The following NIPBL variants were observed in gnomAD, a reference collection of about 807,000 sequenced individuals.
NIPBL encodes the protein nipped-B-like protein.
A neutral mutation model predicts 321.8 loss-of-function variants in NIPBL; 19 were observed. The observed-to-expected ratio is 0.06, with a 90% CI of 0.04 to 0.09. The LOEUF (loss-of-function observed/expected upper bound fraction) is 0.09. Among genes scored for constraint, NIPBL ranks in the 10% least tolerant of loss-of-function variants. The pLI is 1.00. For missense variants in NIPBL, 2,210 were observed against 3,327.0 expected (o/e 0.66, Z 8.26); for synonymous variants, 1,106 against 1,114.1 (o/e 0.99, Z 0.14).
At chr5:36,886,408 A>T in intron 1 of NIPBL, 1 of 736,170 alleles carries the variant, frequency 1.4e-6, no homozygotes, top group South Asian at 1.4e-5. Flanking sequence ...CAGCAACTCC[A>T]TGCAAACTAT....
At chr5:36,900,412 C>T (rs1747110440) in intron 1 of NIPBL, among the ~76,000 whole-genome samples, 2 of 152,114 alleles carry the variant, frequency 1.3e-5, no homozygotes, top group South Asian at 2.1e-4. Flanking sequence ...CCAGTCCCCT[C>T]AGGGCCAAAG....
intron 1 of NIPBL, among the ~76,000 whole-genome samples, chr5:36,929,047 A>T (rs763845444): frequency 0.052 from 7,854 of 152,260 alleles, 280 homozygotes; most frequent in Middle Eastern, 0.082. Flanking sequence ...GCTGGGTCAT[A>T]TGATAATTAA....
rs1197575009 is a variant in NIPBL, at chr5:36,985,173, G to A, written c.1993G>A (p.Glu665Lys). ...ESRTTECKQN[E>K]STIVEPKQNE... ...CAGAACAACTGAATGCAAACAAAACGAGAGCACCATAGTTGAGCCTAAACA... is the reference window on the plus strand; with the variant it reads ...CAGAACAACTGAATGCAAACAAAACAAGAGCACCATAGTTGAGCCTAAACA... Residue 665 changes from glutamate (E) to lysine (K), a missense_variant, in exon 10 of 47, where the codon GAG (glutamate) becomes AAG (lysine). Coordinates refer to ENST00000282516, the MANE Select transcript of NIPBL (RefSeq NM_133433.4). The A allele has an allele frequency of 2.5e-6, 4 of 1,613,846 alleles. No individual in the cohort carries two copies. Among genetic ancestry groups the A allele is most frequent in the Admixed American group, 1.7e-5 (1 of 59,886 alleles).
At chr5:36,949,403 A>AG (rs1740028735) in intron 1 of NIPBL, among the ~76,000 whole-genome samples, 1 of 151,828 alleles carries the variant, frequency 6.6e-6, no homozygotes, top group Admixed American at 6.6e-5. Context: ...TCTTGACTCC[A>AG]GCTGTATGGC....
chr5:37,009,990 T>C (rs991684470), intron 20 of NIPBL, 97 bp from the exon 21 acceptor site: 6 of 945,202 alleles, frequency 6.3e-6, no homozygotes, highest in Non-Finnish European at 1.0e-5. Flanking sequence ...TGCCTAGAAA[T>C]ATTGGCAAAC....
intron 32 of NIPBL, among the ~76,000 whole-genome samples, chr5:37,034,083 T>A (rs1751429245): frequency 6.6e-6 from 1 of 151,558 alleles, no homozygotes; most frequent in Non-Finnish European, 1.5e-5. Flanking sequence ...GAAAAATAGG[T>A]AAAGTTAATT....
rs751532481 is a variant in NIPBL, at chr5:37,058,911, G to A, written c.7431G>A (p.Arg2477=). The A allele has an allele frequency of 4.3e-6, 7 of 1,613,968 alleles. No individual in the cohort carries two copies. In the South Asian group the frequency reaches 4.4e-5, roughly 10 times the overall value. The part of the protein sequence containing the change: ...SFKESMVKDK[R]KERKSSPSKE... The stretch of plus-strand genomic sequence containing the variant: ...TTCAGTCTATGGTAAAGGACAAAAG[G>A]AAAGAGAGAAAATCATCACCTAGTA... The change falls in exon 44 of 47, where the codon AGG becomes AGA. Residue 2477 remains arginine (R), a synonymous_variant. Coordinates refer to ENST00000282516, the MANE Select transcript of NIPBL (RefSeq NM_133433.4).
Position 36,876,961 on chromosome 5 carries a change from G to T in NIPBL, c.-297G>T. The T allele has an allele frequency of 2.5e-6, 1 of 395,386 alleles. No homozygotes were observed. Among genetic ancestry groups the T allele is most frequent in the East Asian group, 3.6e-5 (1 of 27,776 alleles). 24.5% of individuals were successfully genotyped at this position (395,386 alleles called of 1,614,324 possible). A position where few individuals can be genotyped will look rare whatever the true frequency, so the allele number is the denominator to read the frequency against. On this transcript the variant is annotated 5_prime_UTR_variant, in exon 1 of 47. Coordinates refer to ENST00000282516, the MANE Select transcript of NIPBL (RefSeq NM_133433.4). ...GCCCCCCCGGTAGCTCGGGCCCGTG[G>T]TCGGGTGTTTGTGAGTGTTTCTATG...
chr5:36,917,809 G>C (rs1748591212), intron 1 of NIPBL, among the ~76,000 whole-genome samples: 1 of 152,066 alleles, frequency 6.6e-6, no homozygotes, highest in African/African-American at 2.4e-5. Context: ...GTTTTTGTCA[G>C]GTTTGTCAAA....
intron 9 of NIPBL, among the ~76,000 whole-genome samples, chr5:36,979,773 G>T (rs1166038097): frequency 6.6e-6 from 1 of 151,514 alleles, no homozygotes; most frequent in Non-Finnish European, 1.5e-5. Flanking sequence ...CATATCAAAT[G>T]AAAAAAGTAA....
chr5:36,995,504 A>T, intron 10 of NIPBL, 118 bp from the exon 11 acceptor site: 1 of 694,608 alleles, frequency 1.4e-6, no homozygotes, highest in Non-Finnish European at 2.4e-6. Context: ...GTGTTTTATT[A>T]AAATAAACAG....
At chr5:37,036,252 G>T (rs1751667820) in intron 32 of NIPBL, 127 bp from the exon 33 acceptor site, 1 of 235,848 alleles carries the variant, frequency 4.2e-6, no homozygotes, top group Non-Finnish European at 8.4e-6. Context: ...AAATTGAAAA[G>T]TATGTTACTT....
At chr5:37,039,902 G>A (rs1412203668) in intron 34 of NIPBL, among the ~76,000 whole-genome samples, 2 of 152,118 alleles carry the variant, frequency 1.3e-5, no homozygotes, top group Admixed American at 6.5e-5. Flanking sequence ...GAAATAAATT[G>A]TTTAATAATT....
chr5:37,064,901 T>A lies in NIPBL; in HGVS notation c.*9T>A. The A allele has an allele frequency of 6.2e-7, 1 of 1,614,110 alleles. No individual in the cohort carries two copies. On this transcript the variant is annotated 3_prime_UTR_variant, in exon 47 of 47. Coordinates refer to ENST00000282516, the MANE Select transcript of NIPBL (RefSeq NM_133433.4). ...ATGGGACTTCCAGCTAATGAATTTG[T>A]ACATGCAGCCAAATTTACAGGAATT...
intron 32 of NIPBL, among the ~76,000 whole-genome samples, chr5:37,035,151 C>A (rs116217016): frequency 0.013 from 1,932 of 152,240 alleles, 48 homozygotes; most frequent in African/African-American, 0.045. Flanking sequence ...AAGCTGGGCA[C>A]GATGGCTCAC....
intron 8 of NIPBL, 90 bp from the exon 9 acceptor site, chr5:36,975,686 T>G: frequency 3.3e-6 from 4 of 1,207,276 alleles, no homozygotes; most frequent in Non-Finnish European, 4.8e-6. Flanking sequence ...TTTCTAGTAT[T>G]ACTATATTGT....
chr5:37,029,217 C>G (rs1409907172), intron 32 of NIPBL, among the ~76,000 whole-genome samples: 1 of 152,174 alleles, frequency 6.6e-6, no homozygotes, highest in Non-Finnish European at 1.5e-5. Context: ...GGATTTCACC[C>G]TAAAATGCCT....
chr5:36,990,637 A>G (rs1400560319), intron 10 of NIPBL, among the ~76,000 whole-genome samples: 1 of 152,186 alleles, frequency 6.6e-6, no homozygotes, highest in Non-Finnish European at 1.5e-5. Flanking sequence ...AGTTGGCATA[A>G]TCTGTATCTA....
At chr5:37,033,830 G>A (rs533797534) in intron 32 of NIPBL, among the ~76,000 whole-genome samples, 7 of 146,368 alleles carry the variant, frequency 4.8e-5, no homozygotes, top group African/African-American at 1.8e-4. Flanking sequence ...AGCCTCTTGA[G>A]TAGCTGGGAC....
Sources: gnomAD v4.1 joint callset for allele counts (sites outside exome capture counted in the v4.1 genomes callset) on GRCh38, gnomAD v4.1.1 for gene constraint, MANE v1.5 for transcripts, NCBI Gene and HGNC (gene_info 2026-07-23, HGNC 2026-07-21) for gene names.